ATP6V1H: variants seen among roughly 807,000 people sequenced by gnomAD.
The protein encoded by ATP6V1H is V-type proton ATPase subunit H.
Under a neutral mutation model 71.7 loss-of-function variants are expected in ATP6V1H, and 39 were observed. The ratio of observed to expected loss-of-function variants is 0.54; its 90% CI spans 0.42 to 0.71. The LOEUF is 0.71. Ranked by LOEUF, ATP6V1H falls within the 30% of genes least tolerant of loss-of-function variation. The pLI is 0.00. For missense variants in ATP6V1H, 509 were observed against 594.9 expected (o/e 0.86, Z 1.50); for synonymous variants, 192 against 199.3 (o/e 0.96, Z 0.31).
In ATP6V1H at chr8:53,731,031, C is replaced by T. The variant is rs1806996526; in HGVS notation, c.1391+12546G>A. ...GGTGACTGTAATCTTATTAAGCCTC[C>T]ACGCGACTTCAAAGGATGCCTTCTG... On this transcript the variant is annotated intron_variant, in intron 13 of 13. Transcript: ENST00000359530. 3.3e-5 allele frequency among the ~76,000 whole-genome samples: 5 copies of T among 152,158 alleles called. No individual in the cohort carries two copies. In the South Asian group the frequency reaches 1.0e-3, roughly 32 times the overall value.
intron 7 of ATP6V1H, among the ~76,000 whole-genome samples, chr8:53,804,315 T>C (rs1431390976): frequency 6.6e-6 from 1 of 152,222 alleles, no homozygotes; most frequent in African/African-American, 2.4e-5. Flanking sequence ...AGCGTATTAT[T>C]ATGATACTCA....
At chr8:53,780,157 TC>T (rs1271335434) in intron 9 of ATP6V1H, among the ~76,000 whole-genome samples, 3 of 125,750 alleles carry the variant, frequency 2.4e-5, no homozygotes, top group Non-Finnish European at 3.3e-5. Flanking sequence ...AGACTCCATC[TC>T]AAAAAAAAAA....
intron 9 of ATP6V1H, among the ~76,000 whole-genome samples, chr8:53,772,987 G>T (rs1191353767): frequency 1.4e-5 from 2 of 145,872 alleles, no homozygotes; most frequent in African/African-American, 2.6e-5. Context: ...TTACAAGTAA[G>T]TTCTATCCCT....
At chr8:53,723,827 G>T (rs912044895) in intron 13 of ATP6V1H, among the ~76,000 whole-genome samples, 3 of 152,146 alleles carry the variant, frequency 2.0e-5, no homozygotes, top group Non-Finnish European at 4.4e-5. Flanking sequence ...GCCTCACCGT[G>T]GGATGAACCA....
chr8:53,748,569 A>C (rs543188899), intron 12 of ATP6V1H, among the ~76,000 whole-genome samples: 2 of 152,370 alleles, frequency 1.3e-5, no homozygotes, highest in East Asian at 3.9e-4. Flanking sequence ...GTACCTATAC[A>C]TAGCATTAAA....
rs143504845 is a variant in ATP6V1H at position 53,769,635 on chromosome 8, C to A, written c.1158G>T (p.Lys386Asn). 598 of 1,612,370 alleles carry A rather than the reference C, an allele frequency of 3.7e-4. 1 individual carries two copies. Among genetic ancestry groups the A allele is most frequent in the Non-Finnish European group, 4.9e-4 (577 of 1,179,162 alleles). The change falls in exon 11 of 14, where the codon AAG becomes AAT. Residue 386 changes from lysine to asparagine, a missense_variant. Around this residue, in one of 2 missense-constraint regions of ATP6V1H, gnomAD observed 212 missense variants for 291.6 expected, o/e 0.73. Coordinates refer to ENST00000359530, the MANE Select transcript of ATP6V1H (RefSeq NM_015941.4). Reference sequence around the variant, plus strand: ...AAACTTACTTCAAGAGTTCATAATTCTTCTCATTTAACCTCACAGCATTCT... The same window carrying A: ...AAACTTACTTCAAGAGTTCATAATTATTCTCATTTAACCTCACAGCATTCT... ...WRENAVRLNEKNYELLKILTK... is the reference protein window; with the variant it reads ...WRENAVRLNENNYELLKILTK...
intron 11 of ATP6V1H, among the ~76,000 whole-genome samples, chr8:53,758,470 G>A (rs757044922): frequency 8.4e-4 from 128 of 152,098 alleles, no homozygotes; most frequent in Non-Finnish European, 1.6e-3. Flanking sequence ...TCGTGTTCCT[G>A]GAATTTGTGA....
intron 9 of ATP6V1H, among the ~76,000 whole-genome samples, chr8:53,778,373 T>C (rs557207973): frequency 6.6e-6 from 1 of 152,218 alleles, no homozygotes; most frequent in Non-Finnish European, 1.5e-5. Flanking sequence ...TATTCTGAAA[T>C]ATACAGTAGA....
chr8:53,796,378 T>C (rs187851838), intron 8 of ATP6V1H, among the ~76,000 whole-genome samples: 8 of 151,922 alleles, frequency 5.3e-5, no homozygotes, highest in Non-Finnish European at 7.4e-5. Context: ...ACTTTACTGA[T>C]AAGGAAACTA....
intron 9 of ATP6V1H, among the ~76,000 whole-genome samples, chr8:53,780,382 C>T (rs2130357698): frequency 6.6e-6 from 1 of 152,214 alleles, no homozygotes; most frequent in East Asian, 1.9e-4. Flanking sequence ...TCTTTAAATA[C>T]ATGTTCTCAT....
intron 13 of ATP6V1H, among the ~76,000 whole-genome samples, chr8:53,726,420 A>G (rs1806815356): frequency 6.6e-6 from 1 of 152,184 alleles, no homozygotes; most frequent in African/African-American, 2.4e-5. Flanking sequence ...TAAGTATATA[A>G]TATTTTAAAT....
chr8:53,752,458 T>C (rs548871176), intron 12 of ATP6V1H, among the ~76,000 whole-genome samples: 27 of 152,380 alleles, frequency 1.8e-4, no homozygotes, highest in African/African-American at 6.3e-4. Flanking sequence ...CTTCTAACTC[T>C]TGTAGCCATT....
chr8:53,797,568 C>A (rs1435232836), intron 8 of ATP6V1H, among the ~76,000 whole-genome samples: 1 of 152,194 alleles, frequency 6.6e-6, no homozygotes, highest in African/African-American at 2.4e-5. Context: ...TCAGCCCCTC[C>A]TCCAAGCATG....
At chr8:53,826,076 A>T (rs1422133220) in intron 4 of ATP6V1H, among the ~76,000 whole-genome samples, 1 of 152,186 alleles carries the variant, frequency 6.6e-6, no homozygotes, top group Non-Finnish European at 1.5e-5. Flanking sequence ...AGGGAAAAAA[A>T]TGTAAAAGCA....
intron 13 of ATP6V1H, among the ~76,000 whole-genome samples, chr8:53,722,505 G>C (rs777354991): frequency 6.6e-6 from 1 of 152,120 alleles, no homozygotes; most frequent in Admixed American, 6.5e-5. Context: ...TTATTACAAA[G>C]ATAGCACGTA....
intron 12 of ATP6V1H, among the ~76,000 whole-genome samples, chr8:53,748,100 G>A (rs1465117635): frequency 6.6e-6 from 1 of 151,912 alleles, no homozygotes; most frequent in African/African-American, 2.4e-5. Flanking sequence ...GGAGGTTGCA[G>A]TGAGCCGAGA....
chr8:53,727,391 A>C (rs1806849505), intron 13 of ATP6V1H, among the ~76,000 whole-genome samples: 1 of 152,148 alleles, frequency 6.6e-6, no homozygotes, highest in African/African-American at 2.4e-5. Flanking sequence ...TTCTCCCTAG[A>C]GTTAAGCAGT....
At chr8:53,772,846 CCT>C (rs1041955842) in intron 9 of ATP6V1H, among the ~76,000 whole-genome samples, 11 of 146,782 alleles carry the variant, frequency 7.5e-5, no homozygotes, top group African/African-American at 2.9e-4. Context: ...ACAAGACAGA[CCT>C]CTGTTTTAAA....
Position 53,819,733 on chromosome 8 carries a change from A to AT in ATP6V1H, c.307-2204_307-2203insA, listed in dbSNP as rs529633624. Among the ~76,000 whole-genome samples, 22 of 142,302 alleles carry AT rather than the reference A, an allele frequency of 1.5e-4. No homozygotes were observed. In the East Asian group the frequency reaches 4.2e-3, roughly 27 times the overall value. 93.4% of individuals were successfully genotyped at this position (142,302 alleles called of 152,430 possible). On this transcript the variant is annotated intron_variant, in intron 4 of 13. Coordinates refer to ENST00000359530, the MANE Select transcript of ATP6V1H (RefSeq NM_015941.4). ...ATATACATATACTTTGTATATATAT[A>AT]GTATATAGTGTGTGTATATATACAC...
Sources: gnomAD v4.1 joint callset for allele counts (sites outside exome capture counted in the v4.1 genomes callset) on GRCh38, gnomAD v4.1.1 for gene constraint, gnomAD v4.1.1 regional missense constraint, MANE v1.5 for transcripts, NCBI Gene and HGNC (gene_info 2026-07-23, HGNC 2026-07-21) for gene names.